Variants in ACTR3C observed in about 807,000 individuals in gnomAD.
ACTR3C encodes actin-related protein 3C.
ACTR3C carries 18 observed loss-of-function variants against 26.3 expected under a neutral mutation model. The ratio of observed to expected loss-of-function variants is 0.68; its 90% CI spans 0.47 to 1.01. The LOEUF (loss-of-function observed/expected upper bound fraction) is 1.01. ACTR3C is among the 50% of genes least tolerant of loss of function. ACTR3C has a pLI of 0.00. For missense variants in ACTR3C, 184 were observed against 250.7 expected (o/e 0.73, Z 1.80); for synonymous variants, 55 against 94.5 (o/e 0.58, Z 2.42).
At chr7:150,180,745 C>T in the ACTR3C span, among the ~76,000 whole-genome samples, 27 of 149,132 alleles carry the variant, frequency 1.8e-4, 2 homozygotes, top group East Asian at 1.4e-3. Context: ...CTCCTGACCT[C>T]GTGATCCGCC....
At chr7:150,059,230 G>A in the ACTR3C span, among the ~76,000 whole-genome samples, 612 of 152,268 alleles carry the variant, frequency 4.0e-3, 5 homozygotes, top group African/African-American at 0.014. Context: ...CTTTATTTAA[G>A]CACAGAGCTC....
the ACTR3C span, among the ~76,000 whole-genome samples, chr7:150,136,260 G>A: frequency 1.3e-4 from 20 of 152,290 alleles, no homozygotes; most frequent in South Asian, 2.3e-3. Flanking sequence ...AAGCGGTAGC[G>A]TCTCCAGAAC....
the ACTR3C span, among the ~76,000 whole-genome samples, chr7:150,093,862 C>A: frequency 6.6e-6 from 1 of 150,842 alleles, no homozygotes; most frequent in East Asian, 1.9e-4. Flanking sequence ...TGTGGGGTGA[C>A]CATTAATAAT....
the ACTR3C span, among the ~76,000 whole-genome samples, chr7:150,086,021 G>C: frequency 6.6e-6 from 1 of 151,050 alleles, no homozygotes; most frequent in African/African-American, 2.4e-5. Flanking sequence ...CTGTCACCCA[G>C]GCTGGAGTAC....
chr7:150,117,329 CT>C, the ACTR3C span, among the ~76,000 whole-genome samples: 1 of 152,350 alleles, frequency 6.6e-6, no homozygotes, highest in East Asian at 1.9e-4. Flanking sequence ...CTAAGATCTA[CT>C]GGCTTAAAGT....
the ACTR3C span, among the ~76,000 whole-genome samples, chr7:150,190,404 T>G: frequency 6.6e-6 from 1 of 152,248 alleles, no homozygotes; most frequent in South Asian, 2.1e-4. Flanking sequence ...CAGTTAGTGA[T>G]TCTTTCCTTT....
At chr7:150,198,325 CCT>C in the ACTR3C span, among the ~76,000 whole-genome samples, 29 of 148,984 alleles carry the variant, frequency 1.9e-4, 1 homozygote, top group African/African-American at 7.4e-4. Context: ...ATGTGAGGAG[CCT>C]CTCTGCCTGG....
the ACTR3C span, among the ~76,000 whole-genome samples, chr7:150,215,606 T>A: frequency 2.6e-5 from 4 of 152,196 alleles, no homozygotes; most frequent in African/African-American, 4.8e-5. Context: ...TCATCCCTTT[T>A]GGCTTTGGAG....
At chr7:150,001,426 CGTT>C in the ACTR3C span, 1 of 152,304 alleles carries the variant, frequency 6.6e-6, no homozygotes, top group Non-Finnish European at 1.5e-5. Context: ...CCTGTGGAGA[CGTT>C]GTCACAGTTA....
the ACTR3C span, among the ~76,000 whole-genome samples, chr7:150,209,851 G>A: frequency 6.6e-6 from 1 of 151,002 alleles, no homozygotes. Context: ...CCCAGGAGGT[G>A]GAGGTTGCAG....
chr7:149,950,301 G>T, the ACTR3C span, among the ~76,000 whole-genome samples: 1 of 143,028 alleles, frequency 7.0e-6, no homozygotes, highest in Middle Eastern at 3.5e-3. Context: ...TCACAAGCCT[G>T]CAGGGAGCAC....
the ACTR3C span, among the ~76,000 whole-genome samples, chr7:150,015,321 C>A: frequency 2.6e-5 from 4 of 151,954 alleles, no homozygotes; most frequent in African/African-American, 4.8e-5. Flanking sequence ...TGATGTTTTG[C>A]AGAGAAAGGT....
At chr7:149,999,755 C>T in the ACTR3C span, among the ~76,000 whole-genome samples, 11 of 151,146 alleles carry the variant, frequency 7.3e-5, no homozygotes, top group African/African-American at 1.5e-4. Context: ...CTGCAGTGAA[C>T]GCCAGGTCCA....
the ACTR3C span, among the ~76,000 whole-genome samples, chr7:150,042,357 C>T: frequency 8.2e-4 from 92 of 112,828 alleles, no homozygotes; most frequent in African/African-American, 1.8e-3. Context: ...GCCTCCGCCC[C>T]CAGCGATGGG....
the ACTR3C span, among the ~76,000 whole-genome samples, chr7:149,925,399 C>T: frequency 6.6e-6 from 1 of 152,128 alleles, no homozygotes; most frequent in Non-Finnish European, 1.5e-5. Context: ...CAATCGAAAA[C>T]ACATGGGAAA....
the ACTR3C span, among the ~76,000 whole-genome samples, chr7:149,993,315 G>T: frequency 6.6e-6 from 1 of 152,098 alleles, no homozygotes; most frequent in Non-Finnish European, 1.5e-5. Flanking sequence ...ATTGGAGAGC[G>T]GGGAGCTGGC....
chr7:150,099,824 A>G, the ACTR3C span, among the ~76,000 whole-genome samples: 1 of 151,616 alleles, frequency 6.6e-6, no homozygotes, highest in East Asian at 1.9e-4. Flanking sequence ...GGAGTCCATC[A>G]GTGCCCAGCC....
At chr7:150,188,478 A>G in the ACTR3C span, among the ~76,000 whole-genome samples, 40 of 151,808 alleles carry the variant, frequency 2.6e-4, no homozygotes, top group South Asian at 3.9e-3. Flanking sequence ...ATACTCAGGA[A>G]TAGAATTACT....
the ACTR3C span, among the ~76,000 whole-genome samples, chr7:149,939,062 C>A: frequency 1.3e-5 from 2 of 151,608 alleles, no homozygotes; most frequent in East Asian, 3.9e-4. Context: ...CTCACCGCAA[C>A]CTCCGCCTCC....
Sources: allele counts gnomAD v4.1 joint callset (sites outside exome capture counted in the v4.1 genomes callset), GRCh38; gene constraint gnomAD v4.1.1; transcripts MANE v1.5; gene names NCBI Gene and HGNC (gene_info 2026-07-23, HGNC 2026-07-21).